STEAP3: variants seen among roughly 807,000 people sequenced by gnomAD.
STEAP3 encodes the protein STEAP3 metalloreductase, also known as metalloreductase STEAP3.
Under a neutral mutation model 34.9 loss-of-function variants are expected in STEAP3, and 35 were observed. The ratio of observed to expected loss-of-function variants is 1.00; its 90% confidence interval spans 0.76 to 1.33. STEAP3 has a LOEUF of 1.33. Among genes scored for constraint, STEAP3 ranks in the 40% most tolerant of loss-of-function variants. STEAP3 has a pLI of 0.00. For missense variants in STEAP3, 652 were observed against 667.6 expected (o/e 0.98, Z 0.26); for synonymous variants, 281 against 301.6 (o/e 0.93, Z 0.71).
chr2:119,224,143 C>T (rs952454349), intron 1 of STEAP3, among the ~76,000 whole-genome samples: 4 of 152,196 alleles, frequency 2.6e-5, no homozygotes, highest in Non-Finnish European at 4.4e-5. Flanking sequence ...GCAGGGCCGG[C>T]GGCGACAGTG....
At chr2:119,251,000 G>A (rs1004930583) in intron 4 of STEAP3, among the ~76,000 whole-genome samples, 10 of 152,172 alleles carry the variant, frequency 6.6e-5, no homozygotes, top group South Asian at 2.1e-4. Context: ...GTGGGTGGTC[G>A]GAGGGAGGCA....
intron 2 of STEAP3, 99 bp from the exon 3 acceptor site, chr2:119,245,390 G>A: frequency 6.7e-7 from 1 of 1,495,124 alleles, no homozygotes; most frequent in Non-Finnish European, 8.9e-7. Flanking sequence ...CTGGGTGAAT[G>A]TCTGACTGCC....
intron 1 of STEAP3, among the ~76,000 whole-genome samples, chr2:119,230,305 GC>G (rs1222262275): frequency 1.3e-5 from 2 of 152,120 alleles, no homozygotes; most frequent in Non-Finnish European, 2.9e-5. Context: ...GTCTTCTTCA[GC>G]CCCCGTCCAT....
chr2:119,258,473 G>A (rs1044276174), intron 5 of STEAP3, among the ~76,000 whole-genome samples: 3 of 151,868 alleles, frequency 2.0e-5, no homozygotes, highest in Non-Finnish European at 2.9e-5. Flanking sequence ...CAGACACTTC[G>A]TTTAGCTAAA....
rs1432054123 is a variant in STEAP3, at chr2:119,255,253, G to A, written c.1215+405G>A. Among the ~76,000 whole-genome samples, 7 of 152,140 alleles carry A rather than the reference G, an allele frequency of 4.6e-5. No homozygotes were observed. In the South Asian group the frequency reaches 1.5e-3, roughly 32 times the overall value. ...CTAGGTAGGAGTCTAGGGAGTGAGC[G>A]AGCCTAGCCCACCACCCTCCACCCC... On this transcript the variant is annotated intron_variant, in intron 5 of 5. Transcript: ENST00000393110.
intron 3 of STEAP3, chr2:119,246,325 T>C (rs1383328663): frequency 2.1e-5 from 6 of 281,554 alleles, no homozygotes; most frequent in Non-Finnish European, 3.4e-5. Context: ...GCTTTTAGAA[T>C]TGGACTCAGA....
chr2:119,233,958 G>A (rs1345303536), intron 2 of STEAP3, among the ~76,000 whole-genome samples: 3 of 152,182 alleles, frequency 2.0e-5, no homozygotes, highest in African/African-American at 4.8e-5. Flanking sequence ...AGAGGGTGGA[G>A]GCCGATTTCC....
chr2:119,232,473 A>G (rs1169737221), intron 2 of STEAP3, among the ~76,000 whole-genome samples: 1 of 152,136 alleles, frequency 6.6e-6, no homozygotes, highest in Non-Finnish European at 1.5e-5. Context: ...CATGCCAGGC[A>G]TTTGTTAGGT....
At chr2:119,239,150 G>A (rs1182841122) in intron 2 of STEAP3, among the ~76,000 whole-genome samples, 1 of 152,186 alleles carries the variant, frequency 6.6e-6, no homozygotes, top group Non-Finnish European at 1.5e-5. Context: ...GAAAGGACTG[G>A]CGTGTCCAGT....
intron 5 of STEAP3, among the ~76,000 whole-genome samples, chr2:119,259,216 A>G (rs1677872565): frequency 6.6e-6 from 1 of 152,200 alleles, no homozygotes; most frequent in African/African-American, 2.4e-5. Context: ...GTAGTAATTG[A>G]GCACCAGCAG....
chr2:119,242,129 T>C (rs1677264621), intron 2 of STEAP3, among the ~76,000 whole-genome samples: 1 of 152,126 alleles, frequency 6.6e-6, no homozygotes, highest in Non-Finnish European at 1.5e-5. Context: ...CATCCTTATA[T>C]GCTTAGGAGT....
In STEAP3 at chr2:119,247,693, T is replaced by C; in HGVS notation, c.537T>C (p.Gly179=). ...TTCTCCCGCAGGTGCCCATCTGCGG[T>C]GACCAGCCAGAAGCCAAGCGTGCTG... ...RDGNRQVPIC[G]DQPEAKRAVS... Residue 179 remains glycine (G), a synonymous_variant, in exon 4 of 6, where the codon GGT becomes GGC. Coordinates refer to ENST00000393110, the MANE Select transcript of STEAP3 (RefSeq NM_182915.3). 1 of 1,539,104 alleles carries C rather than the reference T, an allele frequency of 6.5e-7. No individual in the cohort carries two copies.
intron 2 of STEAP3, among the ~76,000 whole-genome samples, chr2:119,235,207 A>G (rs1212800220): frequency 6.6e-6 from 1 of 152,178 alleles, no homozygotes; most frequent in Non-Finnish European, 1.5e-5. Context: ...TGACTCAGCT[A>G]ACAATGCCAC....
intron 2 of STEAP3, among the ~76,000 whole-genome samples, chr2:119,241,066 GCACACA>G (rs57477540): frequency 6.7e-6 from 1 of 149,646 alleles, no homozygotes; most frequent in Non-Finnish European, 1.5e-5. Flanking sequence ...TAGGACACGT[GCACACA>G]CACACACACA....
At chr2:119,225,935 A>T (rs187830866) in intron 1 of STEAP3, among the ~76,000 whole-genome samples, 6 of 152,356 alleles carry the variant, frequency 3.9e-5, no homozygotes, top group Admixed American at 3.9e-4. Context: ...TAAATATCGG[A>T]TCCCTCCTTC....
At chr2:119,254,333 GC>G (rs1677711552) in intron 4 of STEAP3, among the ~76,000 whole-genome samples, 1 of 152,074 alleles carries the variant, frequency 6.6e-6, no homozygotes, top group Non-Finnish European at 1.5e-5. Context: ...CTGATTGGCT[GC>G]CCCGGGGCAG....
rs141086904 is a variant in STEAP3, at chr2:119,263,325, C to T, written c.1484C>T (p.Thr495Met). 5,748 of 1,612,622 alleles carry T rather than the reference C, an allele frequency of 3.6e-3. 208 individuals are homozygous for T. The South Asian group carries it at 0.06, about 17-fold the overall frequency. The change falls in exon 6 of 6, where the codon ACG (threonine) becomes ATG (methionine). Residue 495 changes from threonine to methionine, a missense_variant. By Grantham distance (81) the Thr-to-Met change is moderately conservative. Transcript: ENST00000393110. ...ACAGACCACGCCCTGGCCGAGAAGACGAGCCACGTATGAGGTGCCTGCCCT... is the reference window on the plus strand; with the variant it reads ...ACAGACCACGCCCTGGCCGAGAAGATGAGCCACGTATGAGGTGCCTGCCCT... ...LPTDHALAEK[T>M]SHV
intron 1 of STEAP3, among the ~76,000 whole-genome samples, chr2:119,227,390 C>G (rs1363198710): frequency 6.6e-6 from 1 of 152,162 alleles, no homozygotes; most frequent in African/African-American, 2.4e-5. Context: ...CTGAATGGGC[C>G]AGGCGTTCAT....
chr2:119,258,261 A>G (rs1479507110), intron 5 of STEAP3, among the ~76,000 whole-genome samples: 1 of 149,246 alleles, frequency 6.7e-6, no homozygotes, highest in Non-Finnish European at 1.5e-5. Flanking sequence ...TCTCGTTGCC[A>G]TGTTGGTTTT....
Sources: allele counts gnomAD v4.1 joint callset (sites outside exome capture counted in the v4.1 genomes callset), GRCh38; gene constraint gnomAD v4.1.1; transcripts MANE v1.5; gene names NCBI Gene and HGNC (gene_info 2026-07-23, HGNC 2026-07-21).